MAP4K4: variants seen among roughly 807,000 people sequenced by gnomAD.
MAP4K4 encodes mitogen-activated protein kinase kinase kinase kinase 4.
A neutral mutation model predicts 189.6 loss-of-function variants in MAP4K4; 38 were observed. The ratio of observed to expected loss-of-function variants is 0.20; its 90% confidence interval spans 0.15 to 0.26. MAP4K4 has a LOEUF of 0.26. MAP4K4 is among the 10% of genes least tolerant of loss of function. The pLI, the probability that MAP4K4 is intolerant of heterozygous loss-of-function variation, is 1.00. For synonymous variants in MAP4K4, 610 were observed against 624.3 expected (o/e 0.98, Z 0.34); for missense variants, 1,054 against 1,726.9 (o/e 0.61, Z 6.91).
chr2:101,848,577 CAG>C (rs1455150568), intron 12 of MAP4K4, among the ~76,000 whole-genome samples: 1 of 152,216 alleles, frequency 6.6e-6, no homozygotes, highest in Non-Finnish European at 1.5e-5. Context: ...TGGGCAAACA[CAG>C]TGCAGATGCC....
chr2:101,874,367 G>C, intron 26 of MAP4K4, 115 bp downstream of exon 26: 1 of 874,592 alleles, frequency 1.1e-6, no homozygotes, highest in Non-Finnish European at 1.8e-6. Context: ...AGACTTCTAT[G>C]ATGTCCATCT....
chr2:101,836,127 T>C lies in MAP4K4; in HGVS notation c.773+149T>C, dbSNP rs527308826. Reference sequence around the variant, plus strand: ...TCCAAAACACCAATTAAAAGATGCGTTGATTTTTTTTAAATGAGATTTTTC... The same window carrying C: ...TCCAAAACACCAATTAAAAGATGCGCTGATTTTTTTTAAATGAGATTTTTC... On this transcript the variant is annotated intron_variant, in intron 9 of 32. Coordinates refer to ENST00000324219, the Ensembl canonical transcript of MAP4K4. 1.5e-3 allele frequency: 927 copies of C among 609,840 alleles called. 6 individuals carry two copies. The African/African-American group carries it at 0.015, about 10-fold the overall frequency. 37.8% of individuals were successfully genotyped at this position (609,840 alleles called of 1,614,324 possible). A position where few individuals can be genotyped will look rare whatever the true frequency, so the allele number is the denominator to read the frequency against.
At chr2:101,773,516 G>C (rs1006070190) in intron 2 of MAP4K4, among the ~76,000 whole-genome samples, 3 of 152,172 alleles carry the variant, frequency 2.0e-5, no homozygotes, top group African/African-American at 7.2e-5. Context: ...TTCTGATACA[G>C]GCATGCAATG....
intron 2 of MAP4K4, among the ~76,000 whole-genome samples, chr2:101,789,719 A>C (rs2148786251): frequency 1.3e-5 from 2 of 152,334 alleles, no homozygotes; most frequent in Middle Eastern, 6.8e-3. Context: ...ACCGTTTCTC[A>C]CAAAGTTGTT....
At chr2:101,866,690 T>A in intron 19 of MAP4K4, 111 bp downstream of exon 19, 1 of 1,334,326 alleles carries the variant, frequency 7.5e-7, no homozygotes, top group Non-Finnish European at 1.0e-6. Flanking sequence ...CACAAAACAA[T>A]GTTTTAGCAT....
rs1246617329 is a variant in MAP4K4 at position 101,698,715 on chromosome 2, C to G, written c.123+177C>G. Among the ~76,000 whole-genome samples the G allele has an allele frequency of 1.3e-5, 2 of 152,214 alleles. 1 individual carries two copies. The highest frequency in any genetic ancestry group is 4.8e-5 in the African/African-American group (2 of 41,458). On this transcript the variant is annotated intron_variant, in intron 2 of 32. Transcript: ENST00000324219. ...TTTGCACACCGAGTTTATATTCAGA[C>G]TGGCCTTAAAAGACCTCATTTCCTG... is the stretch of plus-strand genomic sequence containing the variant.
At chr2:101,788,954 A>G (rs1486632332) in intron 2 of MAP4K4, among the ~76,000 whole-genome samples, 2 of 152,104 alleles carry the variant, frequency 1.3e-5, no homozygotes, top group Non-Finnish European at 2.9e-5. Context: ...ATTTGTAGGG[A>G]TCTTAGGTGT....
chr2:101,840,343 A>G (rs367684154), intron 10 of MAP4K4, among the ~76,000 whole-genome samples: 2 of 152,178 alleles, frequency 1.3e-5, no homozygotes, highest in Admixed American at 6.5e-5. Context: ...GAGCATCACC[A>G]TCAGTGTGTT....
chr2:101,789,768 A>C (rs2092528155), intron 2 of MAP4K4, among the ~76,000 whole-genome samples: 1 of 152,170 alleles, frequency 6.6e-6, no homozygotes, highest in African/African-American at 2.4e-5. Context: ...GCTCTTTGCT[A>C]CTGGCCTGAG....
intron 2 of MAP4K4, among the ~76,000 whole-genome samples, chr2:101,763,380 A>G (rs540191207): frequency 4.2e-4 from 64 of 152,346 alleles, no homozygotes; most frequent in African/African-American, 1.5e-3. Flanking sequence ...TACCCACTTT[A>G]CAAGTCGTGA....
At chr2:101,708,506 C>A (rs2043616633) in intron 2 of MAP4K4, among the ~76,000 whole-genome samples, 1 of 152,178 alleles carries the variant, frequency 6.6e-6, no homozygotes, top group South Asian at 2.1e-4. Context: ...GGCAGGATGC[C>A]AAGCAGTGCC....
chr2:101,735,619 G>C (rs13019693), intron 2 of MAP4K4, among the ~76,000 whole-genome samples: 42,833 of 152,028 alleles, frequency 0.28, 6,802 homozygotes, highest in South Asian at 0.49. Flanking sequence ...CTGCCCATGG[G>C]AGGCCGTCTT....
chr2:101,860,997 C>G lies in MAP4K4; in HGVS notation c.1866+11C>G. 1 of 1,583,708 alleles carries G rather than the reference C, an allele frequency of 6.3e-7. No homozygotes were observed. Among genetic ancestry groups the G allele is most frequent in the Non-Finnish European group, 8.6e-7 (1 of 1,165,300 alleles). On this transcript the variant is annotated intron_variant, in intron 16 of 32. Transcript: ENST00000324219. ...CCAGCGGAGCCACAGGTAGCGACAGCCAGCTTTGCTGTGGTTGAGGAGACT... is the reference window on the plus strand; with the variant it reads ...CCAGCGGAGCCACAGGTAGCGACAGGCAGCTTTGCTGTGGTTGAGGAGACT...
chr2:101,856,270 T>A, intron 13 of MAP4K4, 132 bp downstream of exon 13: 1 of 775,136 alleles, frequency 1.3e-6, no homozygotes, highest in South Asian at 2.5e-5. Flanking sequence ...TACTTAGAAC[T>A]TCAGATGTAT....
intron 2 of MAP4K4, among the ~76,000 whole-genome samples, chr2:101,755,944 T>C (rs1211317408): frequency 3.0e-5 from 4 of 132,188 alleles, no homozygotes; most frequent in South Asian, 2.7e-4. Context: ...TTTTTTTTTT[T>C]TTTTTTTTTT....
At chr2:101,751,907 C>T (rs956280329) in intron 2 of MAP4K4, among the ~76,000 whole-genome samples, 2 of 152,202 alleles carry the variant, frequency 1.3e-5, no homozygotes, top group African/African-American at 4.8e-5. Flanking sequence ...CCCAAAGGAG[C>T]CAGCACAGTG....
rs189798964 is a variant in MAP4K4, at chr2:101,723,134, T to A, written c.123+24596T>A. Among the ~76,000 whole-genome samples, 534 of 152,310 alleles carry A rather than the reference T, an allele frequency of 3.5e-3. 2 individuals are homozygous for A. Among genetic ancestry groups the A allele is most frequent in the African/African-American group, 0.012 (518 of 41,568 alleles). On this transcript the variant is annotated intron_variant, in intron 2 of 32. Coordinates refer to ENST00000324219, the Ensembl canonical transcript of MAP4K4. Reference sequence around the variant, plus strand: ...AGATCTTGTGAGAACTCACTCACTATCACGAGAACAGCATGTGGGAAACAC... The same window carrying A: ...AGATCTTGTGAGAACTCACTCACTAACACGAGAACAGCATGTGGGAAACAC...
intron 2 of MAP4K4, among the ~76,000 whole-genome samples, chr2:101,743,892 A>T (rs1274913162): frequency 6.6e-6 from 1 of 152,182 alleles, no homozygotes; most frequent in Non-Finnish European, 1.5e-5. Context: ...TCCTGACCTC[A>T]GGTGATCCGC....
intron 2 of MAP4K4, among the ~76,000 whole-genome samples, chr2:101,747,117 T>G (rs578099046): frequency 3.4e-4 from 51 of 152,164 alleles, no homozygotes; most frequent in East Asian, 1.2e-3. Flanking sequence ...TATTCTTTTT[T>G]TTTGTTTGTT....
Sources: gnomAD v4.1 joint callset for allele counts (sites outside exome capture counted in the v4.1 genomes callset) on GRCh38, gnomAD v4.1.1 for gene constraint, MANE v1.5 for transcripts, NCBI Gene and HGNC (gene_info 2026-07-23, HGNC 2026-07-21) for gene names.